The following TAFA5 variants were observed in gnomAD, a reference collection of about 807,000 sequenced individuals.
TAFA5 encodes TAFA chemokine like family member 5.
Under a neutral mutation model 15.3 loss-of-function variants are expected in TAFA5, and 6 were observed. The observed-to-expected ratio is 0.39, with a 90% CI of 0.21 to 0.77. The LOEUF is 0.77. Among genes scored for constraint, TAFA5 ranks in the 30% least tolerant of loss-of-function variants. The probability of loss-of-function intolerance (pLI) is 0.41; values close to 1 mark genes in which losing one functional copy is unlikely to be tolerated. For missense variants in TAFA5, 161 were observed against 193.1 expected (o/e 0.83, Z 0.98); for synonymous variants, 103 against 80.7 (o/e 1.28, Z -1.48).
At chr22:48,657,290 C>T (rs745484874) in intron 2 of TAFA5, among the ~76,000 whole-genome samples, 10 of 152,238 alleles carry the variant, frequency 6.6e-5, no homozygotes, top group South Asian at 4.1e-4. Flanking sequence ...ATGAAATAAA[C>T]GCATTCCTAG....
chr22:48,511,971 G>A (rs1206565727), intron 1 of TAFA5, among the ~76,000 whole-genome samples: 1 of 152,268 alleles, frequency 6.6e-6, no homozygotes, highest in Non-Finnish European at 1.5e-5. Flanking sequence ...CTAGGCTGAG[G>A]CCGGTGGCCA....
At chr22:48,578,626 C>A (rs911303547) in intron 1 of TAFA5, among the ~76,000 whole-genome samples, 5 of 152,228 alleles carry the variant, frequency 3.3e-5, no homozygotes, top group African/African-American at 1.2e-4. Context: ...GCACAGGTAC[C>A]TTTGGAGGAG....
chr22:48,567,244 A>G (rs1489981661), intron 1 of TAFA5, among the ~76,000 whole-genome samples: 1 of 152,230 alleles, frequency 6.6e-6, no homozygotes, highest in Non-Finnish European at 1.5e-5. Flanking sequence ...TGGGGAGAGC[A>G]TCCCGCTGTG....
At position 48,690,681 on chromosome 22, in the gene TAFA5, T is replaced by C. The variant is rs187912728; in HGVS notation, c.263-17036T>C. 1.6e-3 allele frequency among the ~76,000 whole-genome samples: 241 copies of C among 152,356 alleles called. 1 individual carries two copies. Among genetic ancestry groups the C allele is most frequent in the African/African-American group, 5.3e-3 (222 of 41,596 alleles). Reference sequence around the variant, plus strand: ...CCCTGTGGACTCCCTCTCTGTAGTGTAGCATCTTGGACTGATGTAATCAGA... The same window carrying C: ...CCCTGTGGACTCCCTCTCTGTAGTGCAGCATCTTGGACTGATGTAATCAGA... On this transcript the variant is annotated intron_variant, in intron 2 of 3. Coordinates refer to ENST00000402357, the MANE Select transcript of TAFA5 (RefSeq NM_001082967.3).
At chr22:48,706,014 C>T (rs912083846) in intron 2 of TAFA5, among the ~76,000 whole-genome samples, 9 of 152,164 alleles carry the variant, frequency 5.9e-5, no homozygotes, top group Non-Finnish European at 1.0e-4. Context: ...TCTGGAGCTT[C>T]GTGAAAGGGA....
intron 1 of TAFA5, chr22:48,576,169 C>T (rs1209663241): frequency 1.7e-5 from 3 of 176,480 alleles, no homozygotes; most frequent in East Asian, 3.1e-4. Context: ...CCCCCGGCGC[C>T]CCGCAGCCAG....
intron 2 of TAFA5, among the ~76,000 whole-genome samples, chr22:48,703,713 A>G (rs1928988930): frequency 6.6e-6 from 1 of 152,174 alleles, no homozygotes; most frequent in Non-Finnish European, 1.5e-5. Flanking sequence ...GTCCCAGCTG[A>G]GCTCGGTAGT....
chr22:48,553,014 C>G (rs1922910673), intron 1 of TAFA5, among the ~76,000 whole-genome samples: 1 of 152,186 alleles, frequency 6.6e-6, no homozygotes, highest in South Asian at 2.1e-4. Flanking sequence ...ACTGCTCATT[C>G]ATTCATGCAT....
intron 1 of TAFA5, among the ~76,000 whole-genome samples, chr22:48,605,222 A>ATGG (rs1925125209): frequency 1.5e-5 from 1 of 68,608 alleles, no homozygotes; most frequent in Non-Finnish European, 3.1e-5. Context: ...GATGGTGGTG[A>ATGG]TGGTGATGGT....
chr22:48,658,514 T>C (rs1177685354), intron 2 of TAFA5, among the ~76,000 whole-genome samples: 1 of 152,236 alleles, frequency 6.6e-6, no homozygotes, highest in African/African-American at 2.4e-5. Context: ...ACCGTGACAG[T>C]TGATGCGGCC....
At chr22:48,516,297 T>C (rs1202167240) in intron 1 of TAFA5, among the ~76,000 whole-genome samples, 1 of 152,132 alleles carries the variant, frequency 6.6e-6, no homozygotes, top group Non-Finnish European at 1.5e-5. Flanking sequence ...ATTAACGGCT[T>C]TTCTTAATAC....
chr22:48,626,307 C>T (rs964614088), intron 1 of TAFA5, among the ~76,000 whole-genome samples: 4 of 152,158 alleles, frequency 2.6e-5, no homozygotes, highest in African/African-American at 2.4e-5. Context: ...ATCGGACCCC[C>T]GCCGGCCGTG....
intron 3 of TAFA5, among the ~76,000 whole-genome samples, chr22:48,723,606 A>T (rs2147262527): frequency 6.6e-6 from 1 of 152,294 alleles, no homozygotes; most frequent in South Asian, 2.1e-4. Context: ...ACTGGGTCAG[A>T]TCCCACCATC....
chr22:48,613,424 C>T (rs953544581), intron 1 of TAFA5, among the ~76,000 whole-genome samples: 4 of 152,136 alleles, frequency 2.6e-5, no homozygotes, highest in Admixed American at 2.0e-4. Context: ...GCGGGCCCTG[C>T]CGTCTCTGCC....
intron 1 of TAFA5, among the ~76,000 whole-genome samples, chr22:48,626,525 T>C (rs1442361016): frequency 6.6e-6 from 1 of 152,330 alleles, no homozygotes; most frequent in South Asian, 2.1e-4. Context: ...CATGTTTTAA[T>C]TGGGTCGTCT....
At chr22:48,503,184 T>G (rs543944643) in intron 1 of TAFA5, among the ~76,000 whole-genome samples, 3 of 152,324 alleles carry the variant, frequency 2.0e-5, no homozygotes, top group Non-Finnish European at 2.9e-5. Flanking sequence ...GCCATGTCTG[T>G]GAGCTGGAGA....
At chr22:48,528,235 G>A (rs1921847916) in intron 1 of TAFA5, among the ~76,000 whole-genome samples, 1 of 152,204 alleles carries the variant, frequency 6.6e-6, no homozygotes, top group African/African-American at 2.4e-5. Flanking sequence ...CAAGCTTCGA[G>A]CGGAGTGAGA....
At chr22:48,663,836 T>C (rs1927526568) in intron 2 of TAFA5, among the ~76,000 whole-genome samples, 1 of 152,236 alleles carries the variant, frequency 6.6e-6, no homozygotes, top group Non-Finnish European at 1.5e-5. Flanking sequence ...ATAGTACTTG[T>C]GTTCAAGACA....
intron 1 of TAFA5, among the ~76,000 whole-genome samples, chr22:48,631,218 C>A (rs1926215216): frequency 6.6e-6 from 1 of 152,150 alleles, no homozygotes; most frequent in African/African-American, 2.4e-5. Flanking sequence ...GGTCTTGGCC[C>A]CTCTGCCAGG....
Sources: gnomAD v4.1 joint callset for allele counts (sites outside exome capture counted in the v4.1 genomes callset) on GRCh38, gnomAD v4.1.1 for gene constraint, MANE v1.5 for transcripts, NCBI Gene and HGNC (gene_info 2026-07-23, HGNC 2026-07-21) for gene names.